The following FBXW11 variants were observed in gnomAD, a reference collection of about 807,000 sequenced individuals.
FBXW11 encodes F-box/WD repeat-containing protein 11.
A neutral mutation model predicts 77.6 loss-of-function variants in FBXW11; 19 were observed. That is an observed-to-expected ratio of 0.24 (90% CI 0.17 to 0.36). FBXW11 has a LOEUF of 0.36. FBXW11 is among the 10% of genes least tolerant of loss of function. The pLI is 1.00. For synonymous variants in FBXW11, 235 were observed against 249.4 expected (o/e 0.94, Z 0.54); for missense variants, 334 against 704.2 (o/e 0.47, Z 5.95).
chr5:171,915,316 G>A (rs1581194964), intron 2 of FBXW11, among the ~76,000 whole-genome samples: 1 of 152,228 alleles, frequency 6.6e-6, no homozygotes. Flanking sequence ...ATCTATTTAA[G>A]GTATCAGTGT....
At chr5:171,886,398 A>G (rs1178595177) in intron 7 of FBXW11, among the ~76,000 whole-genome samples, 3 of 141,744 alleles carry the variant, frequency 2.1e-5, no homozygotes, top group Non-Finnish European at 4.6e-5. Flanking sequence ...CAGGAAGGGG[A>G]ACATCACACA....
intron 1 of FBXW11, among the ~76,000 whole-genome samples, chr5:171,998,429 C>T (rs1445220924): frequency 6.7e-6 from 1 of 148,760 alleles, no homozygotes; most frequent in Admixed American, 6.7e-5. Flanking sequence ...CCTACCTTGG[C>T]CTCCCAAAGG....
chr5:171,935,521 A>C (rs1275264374), intron 2 of FBXW11, among the ~76,000 whole-genome samples: 3 of 152,120 alleles, frequency 2.0e-5, no homozygotes, highest in African/African-American at 7.2e-5. Context: ...ACAGCAATAA[A>C]CTCCAAGAGA....
chr5:171,893,302 T>C (rs1759483294), intron 6 of FBXW11, among the ~76,000 whole-genome samples: 1 of 151,216 alleles, frequency 6.6e-6, no homozygotes, highest in Admixed American at 6.6e-5. Flanking sequence ...GCCATGGAGA[T>C]GCCAGGAGAG....
At chr5:171,941,068 T>C (rs900761477) in intron 2 of FBXW11, among the ~76,000 whole-genome samples, 3 of 152,160 alleles carry the variant, frequency 2.0e-5, no homozygotes, top group African/African-American at 7.2e-5. Context: ...AAACAGGATA[T>C]TTGTGGAGTT....
chr5:171,992,469 CGAAAGAAAG>C (rs1200795466), intron 1 of FBXW11, among the ~76,000 whole-genome samples: 3 of 99,062 alleles, frequency 3.0e-5, no homozygotes, highest in South Asian at 3.2e-4. Flanking sequence ...AGAGGAAGAA[CGAAAGAAAG>C]GAAAGAAAGG....
At chr5:171,956,534 C>T (rs2113312230) in intron 2 of FBXW11, among the ~76,000 whole-genome samples, 1 of 152,254 alleles carries the variant, frequency 6.6e-6, no homozygotes, top group African/African-American at 2.4e-5. Context: ...TGAATGTTTG[C>T]CAATAAGTAA....
At chr5:171,988,711 G>A (rs1765577255) in intron 1 of FBXW11, among the ~76,000 whole-genome samples, 1 of 151,976 alleles carries the variant, frequency 6.6e-6, no homozygotes, top group Non-Finnish European at 1.5e-5. Context: ...CAGGCATGGT[G>A]GCAGGTGCCT....
chr5:171,991,326 A>G (rs1401218106), intron 1 of FBXW11, among the ~76,000 whole-genome samples: 3 of 152,202 alleles, frequency 2.0e-5, no homozygotes, highest in Non-Finnish European at 4.4e-5. Context: ...CGACAAAAAT[A>G]TGCCTCAAAA....
chr5:172,006,513 G>A lies in FBXW11; in HGVS notation c.-11C>T. The A allele has an allele frequency of 6.6e-7, 1 of 1,506,410 alleles. No homozygotes were observed. The highest frequency in any genetic ancestry group is 8.9e-7 in the Non-Finnish European group (1 of 1,126,280). 93.3% of individuals were successfully genotyped at this position (1,506,410 alleles called of 1,614,324 possible). On this transcript the variant is annotated 5_prime_UTR_variant, in exon 1 of 14. Coordinates refer to ENST00000517395, the MANE Select transcript of FBXW11 (RefSeq NM_001378974.1). Reference sequence around the variant, plus strand: ...CGAGTCGGGCTCCATGGCGGCCCCGGCGGCCCCGCCTCGCTCTCCCCGCGC... The same window carrying A: ...CGAGTCGGGCTCCATGGCGGCCCCGACGGCCCCGCCTCGCTCTCCCCGCGC...
At chr5:171,941,003 T>C (rs1561705137) in intron 2 of FBXW11, among the ~76,000 whole-genome samples, 1 of 151,564 alleles carries the variant, frequency 6.6e-6, no homozygotes, top group Non-Finnish European at 1.5e-5. Flanking sequence ...CTGAATAAAA[T>C]AGGAAAATAT....
chr5:171,986,722 G>A (rs1236408285), intron 1 of FBXW11, among the ~76,000 whole-genome samples: 3 of 99,460 alleles, frequency 3.0e-5, no homozygotes, highest in East Asian at 3.5e-4. Context: ...GTGAGACTCC[G>A]TCTCAAAAAA....
chr5:171,874,153 C>A (rs1453802229), intron 9 of FBXW11, among the ~76,000 whole-genome samples: 1 of 152,128 alleles, frequency 6.6e-6, no homozygotes, highest in Non-Finnish European at 1.5e-5. Context: ...ATATAAAGAA[C>A]TTATAACTCA....
At position 171,861,559 on chromosome 5, in the gene FBXW11, G is replaced by C. The variant is rs1281404354; in HGVS notation, c.*2568C>G. ...TTTCTTAACAGAACGTCAGAGTATT[G>C]CAACACTTTATTAAGAGTATTGGCT... is the stretch of plus-strand genomic sequence containing the variant. On this transcript the variant is annotated 3_prime_UTR_variant, in exon 14 of 14. Coordinates refer to ENST00000517395, the MANE Select transcript of FBXW11 (RefSeq NM_001378974.1). The C allele has an allele frequency of 6.6e-6, 1 of 152,558 alleles. No individual in the cohort carries two copies. Among genetic ancestry groups the C allele is most frequent in the Non-Finnish European group, 1.5e-5 (1 of 68,030 alleles). The allele number at this position is 152,558 out of a possible 1,614,324, so 9.5% of individuals were successfully genotyped here. A position where few individuals can be genotyped will look rare whatever the true frequency, so the allele number is the denominator to read the frequency against.
rs115137781 is a variant in FBXW11 at position 171,926,117 on chromosome 5, C to T, written c.148-11712G>A. 5.0e-3 allele frequency among the ~76,000 whole-genome samples: 759 copies of T among 152,252 alleles called. 4 individuals are homozygous for T. The highest frequency in any genetic ancestry group is 7.0e-3 in the Non-Finnish European group (476 of 68,024). ...ACCTAAATTTTCCTTAAAGTACACACGTATCTTTTTAACAGCAAGGAAAAG... is the reference window on the plus strand; with the variant it reads ...ACCTAAATTTTCCTTAAAGTACACATGTATCTTTTTAACAGCAAGGAAAAG... On this transcript the variant is annotated intron_variant, in intron 2 of 13. Transcript: ENST00000517395.
At chr5:171,909,358 G>A (rs2113924409) in intron 4 of FBXW11, among the ~76,000 whole-genome samples, 2 of 152,272 alleles carry the variant, frequency 1.3e-5, no homozygotes, top group South Asian at 4.1e-4. Flanking sequence ...GAAATAAATA[G>A]GTGGAGCACA....
chr5:171,883,955 T>C (rs551986846), intron 7 of FBXW11, among the ~76,000 whole-genome samples: 1 of 152,358 alleles, frequency 6.6e-6, no homozygotes, highest in East Asian at 1.9e-4. Context: ...CTTTGTCAGA[T>C]GTATAGATTG....
rs1257531346 is a variant in FBXW11, at chr5:171,950,717, C to T, written c.147+6880G>A. Among the ~76,000 whole-genome samples, 8 of 152,148 alleles carry T rather than the reference C, an allele frequency of 5.3e-5. 1 individual carries two copies. On this transcript the variant is annotated intron_variant, in intron 2 of 13. Coordinates refer to ENST00000517395, the MANE Select transcript of FBXW11 (RefSeq NM_001378974.1). ...CCTGGCCAACGTGGCAAAATCTCGTCTCCACTTAAAATACAAAAAATTAGC... is the reference window on the plus strand; with the variant it reads ...CCTGGCCAACGTGGCAAAATCTCGTTTCCACTTAAAATACAAAAAATTAGC...
chr5:171,930,568 C>G (rs1182235830), intron 2 of FBXW11, among the ~76,000 whole-genome samples: 3 of 151,684 alleles, frequency 2.0e-5, no homozygotes, highest in African/African-American at 7.3e-5. Flanking sequence ...TCTTAAGTAC[C>G]CAGGGACACA....
Sources: allele counts gnomAD v4.1 joint callset (sites outside exome capture counted in the v4.1 genomes callset), GRCh38; gene constraint gnomAD v4.1.1; transcripts MANE v1.5; gene names NCBI Gene and HGNC (gene_info 2026-07-23, HGNC 2026-07-21).